ATN1: variants seen among roughly 807,000 people sequenced by gnomAD.
ATN1 encodes atrophin-1.
Under a neutral mutation model 85.8 loss-of-function variants are expected in ATN1, and 19 were observed. The ratio of observed to expected loss-of-function variants is 0.22; its 90% CI spans 0.15 to 0.32. The LOEUF is 0.32. Among genes scored for constraint, ATN1 ranks in the 10% least tolerant of loss-of-function variants. The probability of loss-of-function intolerance (pLI) is 1.00; values close to 1 mark genes in which losing one functional copy is unlikely to be tolerated. For missense variants in ATN1, 1,453 were observed against 1,564.5 expected (o/e 0.93, Z 1.20); for synonymous variants, 674 against 657.0 (o/e 1.03, Z -0.39).
Position 6,941,111 on chromosome 12 carries a change from G to A in ATN1, c.3358+88G>A. The stretch of plus-strand genomic sequence containing the variant: ...TGGGGGGATGGGCCTAGTTGGGCTT[G>A]GGGAGGGATGAGGAGGTGCCTAGAG... On this transcript the variant is annotated intron_variant, in intron 8 of 9. Transcript: ENST00000396684. The surrounding 1 kb of genome is among the most constrained non-coding windows in gnomAD (Gnocchi z 5.9). 6.6e-7 allele frequency: 1 copy of A among 1,521,428 alleles called. No homozygotes were observed. The highest frequency in any genetic ancestry group is 8.9e-7 in the Non-Finnish European group (1 of 1,122,850). 94.2% of individuals were successfully genotyped at this position (1,521,428 alleles called of 1,614,324 possible).
intron 1 of ATN1, among the ~76,000 whole-genome samples, chr12:6,929,761 A>G (rs1367007243): frequency 6.6e-6 from 1 of 152,132 alleles, no homozygotes; most frequent in Non-Finnish European, 1.5e-5. Flanking sequence ...TGATGGGAGG[A>G]TGAAAACGCT....
intron 7 of ATN1, among the ~76,000 whole-genome samples, chr12:6,939,594 C>T (rs782738311): frequency 6.6e-6 from 1 of 152,238 alleles, no homozygotes; most frequent in Admixed American, 6.5e-5. Context: ...CTCGACTTCC[C>T]GGTCTCAAGT....
At chr12:6,927,606 C>A (rs1292901417), upstream of ATN1, among the ~76,000 whole-genome samples, 1 of 148,244 alleles carries the variant, frequency 6.7e-6, no homozygotes, top group African/African-American at 2.5e-5. Flanking sequence ...GCCCCCTCGG[C>A]CTCGGCCTCG....
rs1555143708 is a variant in ATN1, at chr12:6,936,615, C to T, written c.1348C>T (p.Arg450Cys). 1.2e-5 allele frequency: 20 copies of T among 1,612,298 alleles called. No homozygotes were observed. In the South Asian group the frequency reaches 1.8e-4, roughly 14 times the overall value. Residue 450 changes from arginine to cysteine, a missense_variant, in exon 5 of 10, where the codon CGC (arginine) becomes TGC (cysteine). Arg to Cys is a radical substitution (Grantham distance 180). Around this residue, in one of 6 missense-constraint regions of ATN1, gnomAD observed 990 missense variants for 914.8 expected, o/e 1.08. Coordinates refer to ENST00000396684, the MANE Select transcript of ATN1 (RefSeq NM_001940.4). Reference sequence around the variant, plus strand: ...TCCCCCACCACCTCCTCCCTATGGCCGCCTCTTAGCCAACAGCAATGCCCA... The same window carrying T: ...TCCCCCACCACCTCCTCCCTATGGCTGCCTCTTAGCCAACAGCAATGCCCA... ...QGPPPPPPYGRLLANSNAHPG... is the reference protein window; with the variant it reads ...QGPPPPPPYGCLLANSNAHPG...
At position 6,937,767 on chromosome 12, in the gene ATN1, C is replaced by A. The variant is rs1945570232; in HGVS notation, c.2295-78C>A. 8.9e-6 allele frequency: 13 copies of A among 1,467,524 alleles called. No individual in the cohort carries two copies. Among genetic ancestry groups the A allele is most frequent in the Non-Finnish European group, 2.7e-6 (3 of 1,111,576 alleles). The allele number at this position is 1,467,524 out of a possible 1,614,324, so 90.9% of individuals were successfully genotyped here. A position where few individuals can be genotyped will look rare whatever the true frequency, so the allele number is the denominator to read the frequency against. ...GGTTTTGAGGCGGGGGCTACAAGCA[C>A]TCGCCGGGGCCGCGGCGCTGCGGGC... On this transcript the variant is annotated intron_variant, in intron 5 of 9. Coordinates refer to ENST00000396684, the MANE Select transcript of ATN1 (RefSeq NM_001940.4). This position sits in a 1 kb window ranked among gnomAD's most constrained non-coding sequence, Gnocchi z 6.0.
At chr12:6,932,040 A>G (rs1945473378) in intron 1 of ATN1, among the ~76,000 whole-genome samples, 1 of 148,346 alleles carries the variant, frequency 6.7e-6, no homozygotes, top group South Asian at 2.1e-4. Flanking sequence ...GTCTCAAAAA[A>G]AAAAAAAAAA....
Position 6,938,000 on chromosome 12 carries a change from G to A in ATN1, c.2450G>A (p.Arg817His). 1 of 1,542,998 alleles carries A rather than the reference G, an allele frequency of 6.5e-7. No homozygotes were observed. Among genetic ancestry groups the A allele is most frequent in the Non-Finnish European group, 8.8e-7 (1 of 1,142,394 alleles). Residue 817 changes from arginine to histidine, a missense_variant, in exon 6 of 10, where the codon CGC (arginine) becomes CAC (histidine). Physicochemically the swap from Arg to His is conservative, Grantham distance 29 (BLOSUM62 0). This residue lies in a region of ATN1 where 990 missense variants were observed against 914.8 expected (regional missense o/e 1.08). Transcript: ENST00000396684. This position sits in a 1 kb window ranked among gnomAD's most constrained non-coding sequence, Gnocchi z 6.0. ...AEQRAREEKE[R>H]EREREREKER... ...CAGCGCGCGCGCGAAGAAAAGGAGC[G>A]CGAGCGCGAGCGGGAACGCGAGAAA...
chr12:6,929,874 TC>T (rs1298271412), intron 1 of ATN1, among the ~76,000 whole-genome samples: 1 of 152,228 alleles, frequency 6.6e-6, no homozygotes, highest in Non-Finnish European at 1.5e-5. Flanking sequence ...GCACTTTCTT[TC>T]ATTTTCTAAA....
At chr12:6,931,326 C>T (rs1326155139) in intron 1 of ATN1, among the ~76,000 whole-genome samples, 6 of 132,394 alleles carry the variant, frequency 4.5e-5, no homozygotes, top group Non-Finnish European at 9.3e-5. Flanking sequence ...TGTTGTTCTT[C>T]GGATTTTTTT....
At position 6,933,978 on chromosome 12, in the gene ATN1, A is replaced by G. The variant is rs1555143283; in HGVS notation, c.-24A>G. 6.3e-7 allele frequency: 1 copy of G among 1,598,350 alleles called. No homozygotes were observed. The highest frequency in any genetic ancestry group is 1.1e-5 in the South Asian group (1 of 88,462). ...GTATTCAGCTGCCCAGGCAGAGGAG[A>G]ATGGGGTCTCCACAGCCTGAAGAAT... On this transcript the variant is annotated 5_prime_UTR_variant, in exon 2 of 10. Transcript: ENST00000396684.
Position 6,936,722 on chromosome 12 carries a change from ACAGCAACAGCAG to A in ATN1, c.1461_1472del (p.Gln499_Gln502del), listed in dbSNP as rs781900874. On this transcript the variant is annotated inframe_deletion, in exon 5 of 10. Transcript: ENST00000396684. ...CAACACATCACCATCACCACCAGCA[ACAGCAACAGCAG>A]CAGCAGCAGCAGCAGCAGCAGCAGC... The A allele has an allele frequency of 1.8e-4, 276 of 1,525,160 alleles. No homozygotes were observed. The East Asian group carries it at 5.0e-3, about 27-fold the overall frequency. 94.5% of individuals were successfully genotyped at this position (1,525,160 alleles called of 1,614,324 possible).
chr12:6,926,537 C>T (rs997424525), upstream of ATN1, among the ~76,000 whole-genome samples: 1 of 151,570 alleles, frequency 6.6e-6, no homozygotes, highest in Non-Finnish European at 1.5e-5. Flanking sequence ...TGCAGTGGCG[C>T]GATCTCTGCT....
In ATN1 at chr12:6,936,840, C is replaced by T. The variant is rs189283580; in HGVS notation, c.1573C>T (p.His525Tyr). Residue 525 changes from histidine (H) to tyrosine (Y), a missense_variant, in exon 5 of 10, where the codon CAC (histidine) becomes TAC (tyrosine). By Grantham distance (83) the His-to-Tyr change is moderately conservative. Around this residue, in one of 6 missense-constraint regions of ATN1, gnomAD observed 990 missense variants for 914.8 expected, o/e 1.08. Coordinates refer to ENST00000396684, the MANE Select transcript of ATN1 (RefSeq NM_001940.4). ...CCACCCACTGGAGGGCGGTAGCTCC[C>T]ACCACGCACACCCTTACGCCATGTC... ...FPHPLEGGSS[H>Y]HAHPYAMSPS... 1.2e-3 allele frequency: 1,907 copies of T among 1,613,968 alleles called. 32 individuals carry two copies. The Admixed American group carries it at 0.03, about 25-fold the overall frequency.
chr12:6,937,822 C>T lies in ATN1; in HGVS notation c.2295-23C>T, dbSNP rs201667826. ...TCGGGCAGCTCGCACCGCCTGAGCG[C>T]CCGCTGCTTCCACGCCCGGCAGGTT... On this transcript the variant is annotated intron_variant, in intron 5 of 9. Transcript: ENST00000396684. The surrounding 1 kb of genome is among the most constrained non-coding windows in gnomAD (Gnocchi z 6.0). 7,532 of 1,532,388 alleles carry T rather than the reference C, an allele frequency of 4.9e-3. 20 individuals carry two copies. The highest frequency in any genetic ancestry group is 6.1e-3 in the Non-Finnish European group (6,946 of 1,138,450). The allele number at this position is 1,532,388 out of a possible 1,614,324, so 94.9% of individuals were successfully genotyped here.
chr12:6,926,632 C>T (rs782768986), upstream of ATN1, among the ~76,000 whole-genome samples: 54 of 152,064 alleles, frequency 3.6e-4, no homozygotes, highest in Admixed American at 9.8e-4. Context: ...GCCACCACAC[C>T]CGGCTAATTT....
rs1945526516 is a variant in ATN1 at position 6,935,978 on chromosome 12, G to A, written c.711G>A (p.Gly237=). The change falls in exon 5 of 10, where the codon GGG becomes GGA. Residue 237 remains glycine, a synonymous_variant. Coordinates refer to ENST00000396684, the MANE Select transcript of ATN1 (RefSeq NM_001940.4). This position sits in a 1 kb window ranked among gnomAD's most constrained non-coding sequence, Gnocchi z 5.3. ...VLSGPPMGPK[G]GGAASSVGGP... Reference sequence around the variant, plus strand: ...CTGGACCCCCAATGGGTCCCAAGGGGGGAGGGGCTGCCTCATCAGTGGGGG... The same window carrying A: ...CTGGACCCCCAATGGGTCCCAAGGGAGGAGGGGCTGCCTCATCAGTGGGGG... The A allele has an allele frequency of 1.3e-6, 2 of 1,588,998 alleles. No homozygotes were observed. The highest frequency in any genetic ancestry group is 1.7e-6 in the Non-Finnish European group (2 of 1,167,350).
chr12:6,940,327 G>A (rs953591599), intron 7 of ATN1, among the ~76,000 whole-genome samples: 4 of 152,082 alleles, frequency 2.6e-5, no homozygotes, highest in Admixed American at 2.6e-4. Flanking sequence ...GTGCAGTGGC[G>A]CGATCTCGGC....
chr12:6,940,773 C>T (rs941831607), intron 7 of ATN1, 107 bp from the exon 8 acceptor site: 9 of 1,412,714 alleles, frequency 6.4e-6, no homozygotes, highest in Admixed American at 1.7e-5. Flanking sequence ...CTTTGGACCT[C>T]CTTGTGTTTG....
chr12:6,933,586 T>C (rs984840337), intron 1 of ATN1, among the ~76,000 whole-genome samples: 3 of 152,196 alleles, frequency 2.0e-5, no homozygotes, highest in African/African-American at 7.2e-5. Flanking sequence ...ATCTCCTGGA[T>C]TGGGGCTTGT....
Sources: gnomAD v4.1 joint callset for allele counts (sites outside exome capture counted in the v4.1 genomes callset) on GRCh38, gnomAD v4.1.1 for gene constraint, gnomAD v4.1.1 regional missense constraint, Gnocchi (gnomAD v3.1) non-coding constraint, MANE v1.5 for transcripts, NCBI Gene and HGNC (gene_info 2026-07-23, HGNC 2026-07-21) for gene names.